The following RABGAP1 variants were observed in gnomAD, a reference collection of about 807,000 sequenced individuals.
RABGAP1 encodes RAB GTPase activating protein 1, also known as rab GTPase-activating protein 1.
A neutral mutation model predicts 137.6 loss-of-function variants in RABGAP1; 23 were observed. The observed-to-expected ratio is 0.17, with a 90% CI of 0.12 to 0.24. The LOEUF is 0.24. Among genes scored for constraint, RABGAP1 ranks in the 10% least tolerant of loss-of-function variants. RABGAP1 has a pLI of 1.00. For missense variants in RABGAP1, 906 were observed against 1,275.8 expected, an observed-to-expected ratio of 0.71 and a Z score of 4.42; for synonymous variants, 451 against 450.7, an observed-to-expected ratio of 1.00 and a Z score of -0.01.
At chr9:123,000,190 T>G (rs1017382231) in intron 10 of RABGAP1, among the ~76,000 whole-genome samples, 4 of 152,212 alleles carry the variant, frequency 2.6e-5, no homozygotes, top group African/African-American at 9.6e-5. Context: ...GTTAAACATC[T>G]TAAGTGATGC....
intron 11 of RABGAP1, among the ~76,000 whole-genome samples, chr9:123,013,222 G>T (rs575666804): frequency 6.6e-6 from 1 of 152,262 alleles, no homozygotes; most frequent in African/African-American, 2.4e-5. Context: ...CCAAAGAGTT[G>T]TATTTGGTAT....
At chr9:123,088,803 A>G (rs2132207871) in intron 19 of RABGAP1, among the ~76,000 whole-genome samples, 1 of 152,356 alleles carries the variant, frequency 6.6e-6, no homozygotes. Context: ...CTAGAAGGAA[A>G]GCCAAGAGAA....
intron 1 of RABGAP1, among the ~76,000 whole-genome samples, chr9:122,948,735 T>C (rs1468097408): frequency 6.6e-6 from 1 of 152,148 alleles, no homozygotes; most frequent in Non-Finnish European, 1.5e-5. Context: ...GTGACTGTGT[T>C]AACTGTTTTT....
intron 13 of RABGAP1, chr9:123,029,658 C>G (rs529567254): frequency 1.4e-6 from 1 of 708,490 alleles, no homozygotes; most frequent in Admixed American, 1.8e-5. Context: ...ACCATTTCTT[C>G]TTTTTGGCCT....
At chr9:123,029,589 C>T in intron 13 of RABGAP1, 1 of 748,768 alleles carries the variant, frequency 1.3e-6, no homozygotes, top group South Asian at 1.3e-5. Flanking sequence ...CAGAGTTTGT[C>T]ATATGTAGCT....
At chr9:122,994,049 T>C (rs957209036) in intron 6 of RABGAP1, among the ~76,000 whole-genome samples, 5 of 152,212 alleles carry the variant, frequency 3.3e-5, no homozygotes, top group African/African-American at 1.2e-4. Context: ...ATGAGATAAA[T>C]TGGGTAGTTT....
At chr9:123,034,602 C>CTTGG in intron 13 of RABGAP1, 1 of 1,612,328 alleles carries the variant, frequency 6.2e-7, no homozygotes, top group South Asian at 1.1e-5. Flanking sequence ...AGAGCAGCCA[C>CTTGG]CCTTTTTGCC....
At chr9:123,047,661 A>T (rs1267066556) in intron 13 of RABGAP1, among the ~76,000 whole-genome samples, 1 of 152,094 alleles carries the variant, frequency 6.6e-6, no homozygotes, top group Non-Finnish European at 1.5e-5. Context: ...TTTTTCTTAT[A>T]TGTTGAGCTC....
intron 13 of RABGAP1, among the ~76,000 whole-genome samples, chr9:123,028,647 T>C (rs1180219263): frequency 6.6e-6 from 1 of 152,162 alleles, no homozygotes; most frequent in Non-Finnish European, 1.5e-5. Flanking sequence ...GAACAGATCT[T>C]TGAAAGCTTC....
upstream of RABGAP1, among the ~76,000 whole-genome samples, chr9:122,936,652 G>A (rs1313971651): frequency 1.3e-5 from 2 of 152,204 alleles, no homozygotes; most frequent in African/African-American, 4.8e-5. Flanking sequence ...CACTCTGGTT[G>A]TTGATGACTG....
At chr9:122,966,659 TCAG>T (rs764382328) in intron 2 of RABGAP1, among the ~76,000 whole-genome samples, 4 of 151,888 alleles carry the variant, frequency 2.6e-5, no homozygotes, top group Non-Finnish European at 5.9e-5. Flanking sequence ...TGAAGAGAAA[TCAG>T]CAGAAAAAAC....
chr9:122,931,795 C>A, the RABGAP1 span, among the ~76,000 whole-genome samples: 1 of 152,256 alleles, frequency 6.6e-6, no homozygotes. Context: ...TCGGGACCCC[C>A]GTCTCAGCGG....
chr9:122,961,366 C>T (rs550436623), intron 2 of RABGAP1, among the ~76,000 whole-genome samples: 2 of 152,110 alleles, frequency 1.3e-5, no homozygotes, highest in South Asian at 4.1e-4. Context: ...GCCAGTGGGA[C>T]AACATATTCA....
chr9:123,058,388 A>T lies in RABGAP1; in HGVS notation c.1795-6960A>T, dbSNP rs563389872. Among the ~76,000 whole-genome samples the T allele has an allele frequency of 3.3e-5, 5 of 152,340 alleles. No individual in the cohort carries two copies. In the East Asian group the frequency reaches 9.6e-4, roughly 29 times the overall value. On this transcript the variant is annotated intron_variant, in intron 13 of 25. Transcript: ENST00000373647. Reference sequence around the variant, plus strand: ...AAAAATAAATGGTTATAACCTAAAAAGTTTGGCATATGCGAACCAAATATT... The same window carrying T: ...AAAAATAAATGGTTATAACCTAAAATGTTTGGCATATGCGAACCAAATATT...
intron 2 of RABGAP1, among the ~76,000 whole-genome samples, chr9:122,983,174 A>C (rs1214395484): frequency 6.6e-6 from 1 of 152,064 alleles, no homozygotes; most frequent in Admixed American, 6.5e-5. Flanking sequence ...AGCAAAAAAA[A>C]AAAAAACAAA....
rs77523621 is a variant in RABGAP1, at chr9:122,961,489, T to C, written c.150+4280T>C. ...CATTCTGAGGTAAAAACTCAGAGAA[T>C]TTGCTGTTGGCAGACCCACTTTACA... On this transcript the variant is annotated intron_variant, in intron 2 of 25. Coordinates refer to ENST00000373647, the MANE Select transcript of RABGAP1 (RefSeq NM_012197.4). Among the ~76,000 whole-genome samples, 636 of 152,302 alleles carry C rather than the reference T, an allele frequency of 4.2e-3. 7 individuals carry two copies. Among genetic ancestry groups the C allele is most frequent in the East Asian group, 0.034 (175 of 5,192 alleles).
the RABGAP1 span, among the ~76,000 whole-genome samples, chr9:122,934,548 G>T: frequency 2.4e-3 from 366 of 152,208 alleles, 2 homozygotes; most frequent in African/African-American, 8.5e-3. Context: ...TGTTGCCCAG[G>T]CTGGATTGTA....
intron 13 of RABGAP1, among the ~76,000 whole-genome samples, chr9:123,022,928 G>A (rs955074893): frequency 6.6e-6 from 1 of 152,082 alleles, no homozygotes; most frequent in African/African-American, 2.4e-5. Flanking sequence ...TTTTTGGGGG[G>A]AGTAAGGTAC....
intron 13 of RABGAP1, chr9:123,034,325 A>G (rs889197091): frequency 7.4e-6 from 4 of 539,690 alleles, no homozygotes; most frequent in Non-Finnish European, 1.3e-5. Context: ...ACCTGGCACT[A>G]TGGCCGCGTC....
Sources: gnomAD v4.1 joint callset for allele counts (sites outside exome capture counted in the v4.1 genomes callset) on GRCh38, gnomAD v4.1.1 for gene constraint, MANE v1.5 for transcripts, NCBI Gene and HGNC (gene_info 2026-07-23, HGNC 2026-07-21) for gene names.